Variants in GRIK2 observed in about 807,000 individuals in gnomAD.
The protein encoded by GRIK2 is glutamate ionotropic receptor kainate type subunit 2, also known as glutamate receptor ionotropic, kainate 2.
In GRIK2, 32 loss-of-function variants were observed where a neutral mutation model predicts 100.3. The ratio of observed to expected loss-of-function variants is 0.32; its 90% CI spans 0.24 to 0.43. The LOEUF (loss-of-function observed/expected upper bound fraction) is 0.43. Ranked by LOEUF, GRIK2 falls within the 20% of genes least tolerant of loss-of-function variation. The pLI is 1.00. For synonymous variants in GRIK2, 417 were observed against 389.4 expected (o/e 1.07, Z -0.83); for missense variants, 843 against 1,114.9 (o/e 0.76, Z 3.47).
At chr6:102,022,999 G>A (rs1769510738) in intron 14 of GRIK2, among the ~76,000 whole-genome samples, 1 of 151,484 alleles carries the variant, frequency 6.6e-6, no homozygotes, top group South Asian at 2.1e-4. Flanking sequence ...AAAGGACAGT[G>A]GTGGATGTGA....
intron 2 of GRIK2, among the ~76,000 whole-genome samples, chr6:101,467,949 G>A (rs1308684924): frequency 6.8e-6 from 1 of 147,600 alleles, no homozygotes; most frequent in Non-Finnish European, 1.5e-5. Context: ...TTTTAATCTG[G>A]CAAGGATGTA....
chr6:101,755,596 C>G (rs9390777), intron 7 of GRIK2, among the ~76,000 whole-genome samples: 10,213 of 152,172 alleles, frequency 0.067, 752 homozygotes, highest in East Asian at 0.35. Context: ...AAAATGAGTT[C>G]CATCTTCCAG....
chr6:101,796,780 A>T (rs1780332920), intron 7 of GRIK2, among the ~76,000 whole-genome samples: 1 of 152,176 alleles, frequency 6.6e-6, no homozygotes, highest in Non-Finnish European at 1.5e-5. Flanking sequence ...TTCAGGGCTC[A>T]AGTGATCCTC....
At chr6:101,821,276 A>G (rs1392587887) in intron 10 of GRIK2, among the ~76,000 whole-genome samples, 3 of 152,190 alleles carry the variant, frequency 2.0e-5, no homozygotes, top group African/African-American at 7.2e-5. Context: ...ATCATAATCA[A>G]GTTTATATCT....
At chr6:101,631,205 T>A (rs1198411856) in intron 4 of GRIK2, among the ~76,000 whole-genome samples, 1 of 152,180 alleles carries the variant, frequency 6.6e-6, no homozygotes, top group Non-Finnish European at 1.5e-5. Flanking sequence ...TGTGTTTCTG[T>A]CAGTCATTTT....
At chr6:101,618,617 C>T (rs1311502476) in intron 2 of GRIK2, among the ~76,000 whole-genome samples, 1 of 151,720 alleles carries the variant, frequency 6.6e-6, no homozygotes, top group South Asian at 2.1e-4. Flanking sequence ...TTCTCGTATA[C>T]TTCACATGTT....
At chr6:101,791,879 A>C (rs1195120325) in intron 7 of GRIK2, among the ~76,000 whole-genome samples, 1 of 151,536 alleles carries the variant, frequency 6.6e-6, no homozygotes. Flanking sequence ...TGCTTTATGA[A>C]TCTGGGTGCT....
chr6:101,920,540 T>C (rs1372706960), intron 12 of GRIK2, among the ~76,000 whole-genome samples: 1 of 151,852 alleles, frequency 6.6e-6, no homozygotes, highest in Non-Finnish European at 1.5e-5. Flanking sequence ...GGAAAACAAA[T>C]ACTGAGCGAT....
At chr6:101,792,537 C>T (rs1227033477) in intron 7 of GRIK2, among the ~76,000 whole-genome samples, 1 of 151,898 alleles carries the variant, frequency 6.6e-6, no homozygotes, top group Non-Finnish European at 1.5e-5. Flanking sequence ...ATATTGGCCC[C>T]CACTCTCTTC....
chr6:101,768,417 A>G (rs1400755212), intron 7 of GRIK2, among the ~76,000 whole-genome samples: 1 of 152,046 alleles, frequency 6.6e-6, no homozygotes. Flanking sequence ...TTTTTCTAGC[A>G]CCTAATCATA....
intron 12 of GRIK2, among the ~76,000 whole-genome samples, chr6:101,898,827 T>C (rs1395169453): frequency 6.6e-6 from 1 of 151,986 alleles, no homozygotes; most frequent in Non-Finnish European, 1.5e-5. Flanking sequence ...GAAATATCAA[T>C]GTTAAATAAT....
chr6:101,770,647 GTA>G (rs1778342347), intron 7 of GRIK2, among the ~76,000 whole-genome samples: 1 of 152,178 alleles, frequency 6.6e-6, no homozygotes, highest in African/African-American at 2.4e-5. Context: ...GCATTGTAGA[GTA>G]TTAGTTGGCA....
intron 14 of GRIK2, among the ~76,000 whole-genome samples, chr6:101,997,465 A>G (rs2114252668): frequency 6.6e-6 from 1 of 152,130 alleles, no homozygotes; most frequent in East Asian, 1.9e-4. Flanking sequence ...GTTTTCACTC[A>G]ATGTGATTAT....
At chr6:101,729,686 G>A (rs1292035164) in intron 7 of GRIK2, among the ~76,000 whole-genome samples, 5 of 148,980 alleles carry the variant, frequency 3.4e-5, no homozygotes, top group African/African-American at 1.2e-4. Flanking sequence ...AGACCGTGGT[G>A]TGGGAAGAGA....
intron 7 of GRIK2, among the ~76,000 whole-genome samples, chr6:101,691,406 C>G (rs1478018148): frequency 6.6e-6 from 1 of 151,286 alleles, no homozygotes; most frequent in Non-Finnish European, 1.5e-5. Flanking sequence ...TGCAGAGATT[C>G]TTGCGCCTCA....
intron 11 of GRIK2, among the ~76,000 whole-genome samples, chr6:101,886,971 G>A (rs563041925): frequency 7.3e-5 from 11 of 150,350 alleles, no homozygotes; most frequent in South Asian, 4.2e-4. Flanking sequence ...GACTACAGGC[G>A]TGTGCCACCA....
intron 2 of GRIK2, among the ~76,000 whole-genome samples, chr6:101,596,561 T>C (rs1171650424): frequency 1.3e-5 from 2 of 151,700 alleles, no homozygotes; most frequent in African/African-American, 2.4e-5. Context: ...GGTGAGTGAA[T>C]GAAATTTATA....
At chr6:101,958,253 T>TTC (rs150156844) in intron 14 of GRIK2, among the ~76,000 whole-genome samples, 58 of 139,534 alleles carry the variant, frequency 4.2e-4, no homozygotes, top group Admixed American at 2.1e-3. Context: ...TGCTACATAT[T>TTC]TGTGTGTGTG....
chr6:101,465,617 C>A (rs1006502145), intron 2 of GRIK2, among the ~76,000 whole-genome samples: 11 of 152,070 alleles, frequency 7.2e-5, no homozygotes, highest in Admixed American at 4.6e-4. Context: ...CCCAGTAGAT[C>A]TGCGGTGAAA....
Sources: allele counts gnomAD v4.1 joint callset (sites outside exome capture counted in the v4.1 genomes callset), GRCh38; gene constraint gnomAD v4.1.1; transcripts MANE v1.5; gene names NCBI Gene and HGNC (gene_info 2026-07-23, HGNC 2026-07-21).